Variants in SDK1 observed in about 807,000 individuals in gnomAD.
The protein encoded by SDK1 is protein sidekick-1.
SDK1 carries 157 observed loss-of-function variants against 245.5 expected under a neutral mutation model. That is an observed-to-expected ratio of 0.64 (90% CI 0.56 to 0.73). The LOEUF (loss-of-function observed/expected upper bound fraction) is 0.73. Among genes scored for constraint, SDK1 ranks in the 30% least tolerant of loss-of-function variants. SDK1 has a pLI of 0.00. For synonymous variants in SDK1, 1,647 were observed against 1,278.5 expected (o/e 1.29, Z -6.15); for missense variants, 3,583 against 3,002.3 (o/e 1.19, Z -4.52).
At chr7:3,864,706 T>C (rs1031296702) in intron 5 of SDK1, among the ~76,000 whole-genome samples, 4 of 152,068 alleles carry the variant, frequency 2.6e-5, no homozygotes, top group African/African-American at 9.7e-5. Context: ...TCTAGCCTGC[T>C]TAGTAACGGG....
At chr7:3,663,558 T>C (rs925044605) in intron 4 of SDK1, among the ~76,000 whole-genome samples, 1 of 152,176 alleles carries the variant, frequency 6.6e-6, no homozygotes, top group African/African-American at 2.4e-5. Flanking sequence ...GAGAGATTGC[T>C]GTTTAGACCA....
intron 1 of SDK1, among the ~76,000 whole-genome samples, chr7:3,425,935 A>T (rs987387225): frequency 6.6e-6 from 1 of 152,164 alleles, no homozygotes; most frequent in Non-Finnish European, 1.5e-5. Context: ...AGGTGGGTTA[A>T]AAATAATTTC....
intron 1 of SDK1, among the ~76,000 whole-genome samples, chr7:3,429,095 A>G (rs1275469319): frequency 6.6e-6 from 1 of 152,200 alleles, no homozygotes; most frequent in Non-Finnish European, 1.5e-5. Context: ...TGAAAGTTGT[A>G]AGATACAATC....
At chr7:4,239,242 G>A (rs1401930458) in intron 42 of SDK1, among the ~76,000 whole-genome samples, 2 of 152,142 alleles carry the variant, frequency 1.3e-5, no homozygotes, top group Admixed American at 1.3e-4. Context: ...TTACATGAAG[G>A]CCAGGAACAC....
At chr7:4,202,416 G>T (rs1783941258) in intron 35 of SDK1, among the ~76,000 whole-genome samples, 1 of 152,202 alleles carries the variant, frequency 6.6e-6, no homozygotes, top group Non-Finnish European at 1.5e-5. Context: ...CTGGTTGGGG[G>T]AGCAGCCCCC....
At position 4,220,261 on chromosome 7, in the gene SDK1, C is replaced by G. The variant is rs753899615; in HGVS notation, c.5692C>G (p.Pro1898Ala). ...GCTCCAAGCCAATATCACAGCCGGGCCAGCCGAGGGTAAGTGGAACTCCAG... is the reference window on the plus strand; with the variant it reads ...GCTCCAAGCCAATATCACAGCCGGGGCAGCCGAGGGTAAGTGGAACTCCAG... ...PELQANITAG[P>A]AEGSPGSPRD... The change falls in exon 39 of 45, where the codon CCA becomes GCA. Residue 1898 changes from proline (P) to alanine (A), a missense_variant. Pro to Ala is a conservative substitution (Grantham distance 27, BLOSUM62 -1). Coordinates refer to ENST00000404826, the MANE Select transcript of SDK1 (RefSeq NM_152744.4). The G allele has an allele frequency of 6.2e-7, 1 of 1,613,290 alleles. No homozygotes were observed. Among genetic ancestry groups the G allele is most frequent in the East Asian group, 2.2e-5 (1 of 44,848 alleles).
At chr7:3,776,654 A>G (rs959379007) in intron 4 of SDK1, among the ~76,000 whole-genome samples, 1 of 152,298 alleles carries the variant, frequency 6.6e-6, no homozygotes, top group South Asian at 2.1e-4. Context: ...CACTGCCTAC[A>G]GTAACTGACC....
At chr7:3,988,310 A>T (rs1271935062) in intron 14 of SDK1, among the ~76,000 whole-genome samples, 1 of 150,994 alleles carries the variant, frequency 6.6e-6, no homozygotes, top group Non-Finnish European at 1.5e-5. Flanking sequence ...TCAGTCTGTT[A>T]ACTAGGATTC....
At chr7:3,879,478 G>A (rs571122852) in intron 5 of SDK1, among the ~76,000 whole-genome samples, 111 of 152,292 alleles carry the variant, frequency 7.3e-4, no homozygotes, top group Middle Eastern at 6.8e-3. Context: ...AGAGACCGCA[G>A]CACCCTGACT....
intron 19 of SDK1, among the ~76,000 whole-genome samples, chr7:4,060,986 G>A (rs1343878423): frequency 6.6e-6 from 1 of 152,168 alleles, no homozygotes; most frequent in Non-Finnish European, 1.5e-5. Context: ...GCTCTGTTCT[G>A]TTCCGTTGAT....
chr7:3,530,183 G>C (rs1783295273), intron 1 of SDK1, among the ~76,000 whole-genome samples: 2 of 152,112 alleles, frequency 1.3e-5, no homozygotes, highest in Admixed American at 1.3e-4. Context: ...ATAGCAGTGA[G>C]TTTATTTGCA....
intron 28 of SDK1, among the ~76,000 whole-genome samples, chr7:4,145,370 G>A (rs1378130285): frequency 6.6e-6 from 1 of 152,160 alleles, no homozygotes; most frequent in Non-Finnish European, 1.5e-5. Flanking sequence ...CCAGACTGCA[G>A]GAGGGAGGGA....
At chr7:3,675,893 G>A (rs1783877554) in intron 4 of SDK1, among the ~76,000 whole-genome samples, 1 of 152,106 alleles carries the variant, frequency 6.6e-6, no homozygotes, top group Non-Finnish European at 1.5e-5. Flanking sequence ...TTTGCTTGCT[G>A]ATTTATCTAA....
chr7:3,855,343 A>C (rs1780519528), intron 5 of SDK1, among the ~76,000 whole-genome samples: 1 of 152,084 alleles, frequency 6.6e-6, no homozygotes, highest in African/African-American at 2.4e-5. Context: ...GAAATGCTGA[A>C]TAGAACAAGC....
intron 5 of SDK1, among the ~76,000 whole-genome samples, chr7:3,941,315 C>A (rs934024224): frequency 6.6e-6 from 1 of 152,130 alleles, no homozygotes; most frequent in Non-Finnish European, 1.5e-5. Flanking sequence ...CGTGCTCCCA[C>A]CCGCTCTAGA....
chr7:4,102,140 G>A (rs772411524), intron 22 of SDK1, among the ~76,000 whole-genome samples: 10 of 152,146 alleles, frequency 6.6e-5, no homozygotes, highest in Non-Finnish European at 1.3e-4. Context: ...GCACAGCGTC[G>A]AGTCCCCTGC....
At chr7:3,352,111 T>A (rs915207890) in intron 1 of SDK1, among the ~76,000 whole-genome samples, 68 of 149,614 alleles carry the variant, frequency 4.5e-4, no homozygotes, top group African/African-American at 1.6e-3. Context: ...ATATTTCTTA[T>A]AATGTATAAT....
At chr7:4,186,804 C>T (rs890446762) in intron 35 of SDK1, among the ~76,000 whole-genome samples, 4 of 152,244 alleles carry the variant, frequency 2.6e-5, no homozygotes, top group South Asian at 4.1e-4. Flanking sequence ...CTCCTGGGCC[C>T]GTATAGACAG....
chr7:4,178,499 C>G lies in SDK1; in HGVS notation c.5011C>G (p.Arg1671Gly), dbSNP rs375356123. ...CAACCCTGCAGATTTAAAGAAGTAC[C>G]GGCGCTATGAAGTAATAATGACCGC... Reference protein sequence around the residue: ...MCELTHLKKYRRYEVIMTAYN... With the variant: ...MCELTHLKKYGRYEVIMTAYN... Residue 1671 changes from arginine to glycine, a missense_variant, in exon 35 of 45, where the codon CGG becomes GGG. Arg to Gly is a moderately radical substitution (Grantham distance 125). Transcript: ENST00000404826. 13 of 1,612,884 alleles carry G rather than the reference C, an allele frequency of 8.1e-6. No homozygotes were observed. The highest frequency in any genetic ancestry group is 3.3e-4 in the Middle Eastern group (2 of 6,078).
Sources: gnomAD v4.1 joint callset for allele counts (sites outside exome capture counted in the v4.1 genomes callset) on GRCh38, gnomAD v4.1.1 for gene constraint, MANE v1.5 for transcripts, NCBI Gene and HGNC (gene_info 2026-07-23, HGNC 2026-07-21) for gene names.